Variants in THSD4 observed in about 807,000 individuals in gnomAD.
THSD4 encodes the protein thrombospondin type-1 domain-containing protein 4.
In THSD4, 69 loss-of-function variants were observed where a neutral mutation model predicts 119.0. The ratio of observed to expected loss-of-function variants is 0.58; its 90% CI spans 0.48 to 0.71. The LOEUF (loss-of-function observed/expected upper bound fraction) is 0.71. Among genes scored for constraint, THSD4 ranks in the 30% least tolerant of loss-of-function variants. THSD4 has a pLI of 0.00. For synonymous variants in THSD4, 524 were observed against 540.4 expected, an observed-to-expected ratio of 0.97 and a Z score of 0.42; for missense variants, 1,393 against 1,391.1, an observed-to-expected ratio of 1.00 and a Z score of -0.02.
intron 3 of THSD4, among the ~76,000 whole-genome samples, chr15:71,180,049 G>A (rs1248333636): frequency 8.0e-6 from 1 of 125,124 alleles, no homozygotes; most frequent in Non-Finnish European, 1.7e-5. Flanking sequence ...GCTAGATGAC[G>A]AGTTAGTGGG....
chr15:71,685,892 C>A (rs557653390), intron 8 of THSD4, among the ~76,000 whole-genome samples: 1 of 152,224 alleles, frequency 6.6e-6, no homozygotes, highest in Admixed American at 6.5e-5. Context: ...CAAAGATCCC[C>A]TGAGAGGATC....
intron 7 of THSD4, among the ~76,000 whole-genome samples, chr15:71,554,554 A>T (rs2048988679): frequency 6.6e-6 from 1 of 151,928 alleles, no homozygotes; most frequent in Non-Finnish European, 1.5e-5. Context: ...ATGCCTGGCT[A>T]ATTTTTTACT....
At chr15:71,369,098 A>G (rs1219466967) in intron 6 of THSD4, among the ~76,000 whole-genome samples, 2 of 152,170 alleles carry the variant, frequency 1.3e-5, no homozygotes, top group African/African-American at 2.4e-5. Context: ...TTATTGGTGT[A>G]TAAGAATGCT....
intron 3 of THSD4, among the ~76,000 whole-genome samples, chr15:71,197,805 C>G (rs757737149): frequency 6.6e-6 from 1 of 152,116 alleles, no homozygotes; most frequent in Admixed American, 6.5e-5. Context: ...CCTGTCTGCC[C>G]CCTGAATATC....
intron 6 of THSD4, among the ~76,000 whole-genome samples, chr15:71,318,597 G>A (rs1365149538): frequency 2.0e-5 from 3 of 152,146 alleles, no homozygotes; most frequent in Non-Finnish European, 2.9e-5. Flanking sequence ...GAGTTGTTAA[G>A]GTGATTCAGA....
At chr15:71,192,153 C>T (rs1252689735) in intron 3 of THSD4, among the ~76,000 whole-genome samples, 1 of 152,038 alleles carries the variant, frequency 6.6e-6, no homozygotes, top group East Asian at 1.9e-4. Flanking sequence ...TTGCCCACCT[C>T]AGCCTCCCAA....
intron 6 of THSD4, among the ~76,000 whole-genome samples, chr15:71,319,711 G>A (rs529180485): frequency 5.9e-5 from 9 of 152,064 alleles, no homozygotes; most frequent in African/African-American, 2.2e-4. Context: ...ATAAACATAC[G>A]TGTGCATGTG....
At chr15:71,734,548 C>A (rs1251358080) in intron 10 of THSD4, among the ~76,000 whole-genome samples, 1 of 152,174 alleles carries the variant, frequency 6.6e-6, no homozygotes, top group African/African-American at 2.4e-5. Context: ...TGAAACTACT[C>A]TGTGTGATAT....
intron 3 of THSD4, among the ~76,000 whole-genome samples, chr15:71,204,620 C>T (rs1314972552): frequency 2.0e-5 from 3 of 152,170 alleles, no homozygotes; most frequent in Non-Finnish European, 4.4e-5. Flanking sequence ...CAGCTGGCCT[C>T]AAATCACAAA....
intron 7 of THSD4, among the ~76,000 whole-genome samples, chr15:71,540,753 G>A (rs1219848593): frequency 8.8e-6 from 1 of 113,786 alleles, no homozygotes; most frequent in East Asian, 2.6e-4. Flanking sequence ...TTTTAAACGA[G>A]TCTCTGTCAC....
At chr15:71,202,987 T>A (rs1297494252) in intron 3 of THSD4, among the ~76,000 whole-genome samples, 2 of 152,170 alleles carry the variant, frequency 1.3e-5, no homozygotes, top group African/African-American at 4.8e-5. Context: ...GGTGGGGACG[T>A]AGCTGTGTAC....
At chr15:71,388,661 A>AGT (rs748438115) in intron 6 of THSD4, among the ~76,000 whole-genome samples, 40,753 of 141,862 alleles carry the variant, frequency 0.29, 5,908 homozygotes, top group Non-Finnish European at 0.36. Context: ...TTCTTTGGAG[A>AGT]GAGTGTGTGT....
chr15:71,234,399 G>A (rs530788961), intron 4 of THSD4, among the ~76,000 whole-genome samples: 4 of 152,062 alleles, frequency 2.6e-5, no homozygotes, highest in Admixed American at 6.5e-5. Context: ...TCCACCTCCC[G>A]GTTCAAGCAA....
At chr15:71,442,660 G>GTGTGTATATA in intron 7 of THSD4, among the ~76,000 whole-genome samples, 9 of 25,826 alleles carry the variant, frequency 3.5e-4, no homozygotes, top group African/African-American at 8.6e-4. Context: ...GTGTGTGTGT[G>GTGTGTATATA]TATATATATA....
chr15:71,329,792 T>G lies in THSD4; in HGVS notation c.1015+73077T>G, dbSNP rs529033115. On this transcript the variant is annotated intron_variant, in intron 6 of 17. Transcript: ENST00000261862. ...AATAACTCAGGCAGTGTTCCATTAT[T>G]GCTATGGGCTGGGCGTGGTGGCTCA... 4.6e-5 allele frequency among the ~76,000 whole-genome samples: 7 copies of G among 152,290 alleles called. No homozygotes were observed. In the South Asian group the frequency reaches 1.5e-3, roughly 32 times the overall value.
At chr15:71,188,455 C>A (rs28693764) in intron 3 of THSD4, among the ~76,000 whole-genome samples, 43,359 of 151,890 alleles carry the variant, frequency 0.29, 6,373 homozygotes, top group East Asian at 0.47. Flanking sequence ...GTGCTTTACC[C>A]TGGGGGCTGA....
chr15:71,510,132 G>T, intron 7 of THSD4, among the ~76,000 whole-genome samples: 1 of 152,162 alleles, frequency 6.6e-6, no homozygotes, highest in Non-Finnish European at 1.5e-5. Context: ...TTTGCCCATT[G>T]GTAGAAAGTT....
intron 7 of THSD4, among the ~76,000 whole-genome samples, chr15:71,580,674 C>T (rs1303620692): frequency 6.6e-6 from 1 of 152,164 alleles, no homozygotes; most frequent in Non-Finnish European, 1.5e-5. Flanking sequence ...CTGGTAACCA[C>T]CATTCTACTC....
At chr15:71,326,587 T>C (rs374596835) in intron 6 of THSD4, among the ~76,000 whole-genome samples, 1 of 141,998 alleles carries the variant, frequency 7.0e-6, no homozygotes, top group East Asian at 2.1e-4. Context: ...GGCAGGAGAA[T>C]TGTTTGAACC....
Sources: allele counts gnomAD v4.1 joint callset (sites outside exome capture counted in the v4.1 genomes callset), GRCh38; gene constraint gnomAD v4.1.1; transcripts MANE v1.5; gene names NCBI Gene and HGNC (gene_info 2026-07-23, HGNC 2026-07-21).